Variants in EYS observed in about 807,000 individuals in gnomAD.
The protein encoded by EYS is protein eyes shut homolog.
In EYS, 250 loss-of-function variants were observed where a neutral mutation model predicts 282.1. The ratio of observed to expected loss-of-function variants is 0.89; its 90% CI spans 0.80 to 0.98. The LOEUF (loss-of-function observed/expected upper bound fraction) is 0.98, where lower values mean the gene tolerates loss of function less well. EYS is among the 50% of genes least tolerant of loss of function. The pLI, the probability that EYS is intolerant of heterozygous loss-of-function variation, is 0.00. For synonymous variants in EYS, 1,355 were observed against 1,282.9 expected, an observed-to-expected ratio of 1.06 and a Z score of -1.20; for missense variants, 4,016 against 3,709.0, an observed-to-expected ratio of 1.08 and a Z score of -2.15.
At position 64,822,501 on chromosome 6, in the gene EYS, G is replaced by A. The variant is rs189975899; in HGVS notation, c.3164+150C>T. The stretch of plus-strand genomic sequence containing the variant: ...TCAGTACATTGCATTAGCTAAAACT[G>A]GCAGCATCTGTCATCTTAAATGTAC... On this transcript the variant is annotated intron_variant, in intron 20 of 42. Coordinates refer to ENST00000503581, the MANE Select transcript of EYS (RefSeq NM_001142800.2). 3 of 633,570 alleles carry A rather than the reference G, an allele frequency of 4.7e-6. No individual in the cohort carries two copies. The East Asian group carries it at 8.8e-5, about 19-fold the overall frequency. 39.2% of individuals were successfully genotyped at this position (633,570 alleles called of 1,614,324 possible).
Position 64,741,818 on chromosome 6 carries a change from C to T in EYS, c.3443+71560G>A, listed in dbSNP as rs79945988. On this transcript the variant is annotated intron_variant, in intron 22 of 42. Coordinates refer to ENST00000503581, the MANE Select transcript of EYS (RefSeq NM_001142800.2). Reference sequence around the variant, plus strand: ...CTTCACAGAATTGAAGACAGAGAGTCAGGGTCTTGCTCTGGATTAGAGTTT... The same window carrying T: ...CTTCACAGAATTGAAGACAGAGAGTTAGGGTCTTGCTCTGGATTAGAGTTT... Among the ~76,000 whole-genome samples the T allele has an allele frequency of 8.3e-4, 127 of 152,286 alleles. 1 individual carries two copies. In the East Asian group the frequency reaches 0.02, roughly 24 times the overall value.
At chr6:64,792,698 G>A (rs1326278255) in intron 22 of EYS, among the ~76,000 whole-genome samples, 6 of 151,998 alleles carry the variant, frequency 3.9e-5, no homozygotes, top group Non-Finnish European at 7.4e-5. Flanking sequence ...GCATGTACCC[G>A]TGTCCAAAAG....
At chr6:65,581,346 G>A (rs1024941523) in intron 2 of EYS, among the ~76,000 whole-genome samples, 10 of 152,138 alleles carry the variant, frequency 6.6e-5, no homozygotes, top group East Asian at 3.9e-4. Context: ...TACAGCAAAC[G>A]TTTTAAAAGC....
chr6:63,797,916 C>T (rs771296934), intron 37 of EYS: 30 of 152,016 alleles, frequency 2.0e-4, no homozygotes, highest in Admixed American at 1.6e-3. Context: ...TACATATGGC[C>T]CACATTTTTA....
At chr6:64,889,868 A>G (rs1049624986) in intron 18 of EYS, among the ~76,000 whole-genome samples, 1 of 152,034 alleles carries the variant, frequency 6.6e-6, no homozygotes, top group African/African-American at 2.4e-5. Context: ...GATAACAGCA[A>G]CTGTTCAGGG....
chr6:64,247,584 T>C (rs1490006588), intron 30 of EYS, among the ~76,000 whole-genome samples: 4 of 152,122 alleles, frequency 2.6e-5, no homozygotes, highest in African/African-American at 9.7e-5. Context: ...CCATCAATAT[T>C]ATAAGGTGAC....
At chr6:65,133,715 C>T in intron 12 of EYS, among the ~76,000 whole-genome samples, 1 of 151,748 alleles carries the variant, frequency 6.6e-6, no homozygotes, top group African/African-American at 2.4e-5. Context: ...AACAGGCAAA[C>T]CTTTCAAGAT....
intron 12 of EYS, among the ~76,000 whole-genome samples, chr6:65,276,988 C>T (rs902984455): frequency 6.6e-6 from 1 of 152,142 alleles, no homozygotes; most frequent in African/African-American, 2.4e-5. Flanking sequence ...AATTTTACAT[C>T]ATGACAACAA....
intron 26 of EYS, among the ~76,000 whole-genome samples, chr6:64,484,249 C>T (rs1380132494): frequency 1.3e-5 from 2 of 151,566 alleles, no homozygotes; most frequent in Non-Finnish European, 3.0e-5. Context: ...ACCATGAATA[C>T]CTTCACCCAA....
chr6:65,140,359 A>G (rs975994918), intron 12 of EYS, among the ~76,000 whole-genome samples: 1 of 152,058 alleles, frequency 6.6e-6, no homozygotes, highest in African/African-American at 2.4e-5. Context: ...AAAAAAAATC[A>G]TGAACTGAAC....
At chr6:64,790,739 G>A (rs1444987316) in intron 22 of EYS, among the ~76,000 whole-genome samples, 1 of 151,728 alleles carries the variant, frequency 6.6e-6, no homozygotes, top group East Asian at 1.9e-4. Context: ...TCTATGTAAG[G>A]TTTAACTTAC....
Position 64,307,007 on chromosome 6 carries a change from A to G in EYS, c.6154T>C (p.Ser2052Pro). Reference sequence around the variant, plus strand: ...ATGTGATAGTTTTTCACTGCCTTGGATGGAATGAAAGATCTCCAGTTATTT... The same window carrying G: ...ATGTGATAGTTTTTCACTGCCTTGGGTGGAATGAAAGATCTCCAGTTATTT... Reference protein sequence around the residue: ...EINNWRSFIPSKAVKNYHINN... With the variant: ...EINNWRSFIPPKAVKNYHINN... The change falls in exon 30 of 43, where the codon TCC becomes CCC. Residue 2052 changes from serine (S) to proline (P), a missense_variant. Coordinates refer to ENST00000503581, the MANE Select transcript of EYS (RefSeq NM_001142800.2). 4.5e-6 allele frequency: 7 copies of G among 1,544,370 alleles called. No individual in the cohort carries two copies. Among genetic ancestry groups the G allele is most frequent in the Non-Finnish European group, 6.1e-6 (7 of 1,141,402 alleles).
At chr6:64,789,000 C>A (rs75757382) in intron 22 of EYS, among the ~76,000 whole-genome samples, 2 of 152,106 alleles carry the variant, frequency 1.3e-5, no homozygotes, top group East Asian at 3.9e-4. Context: ...ATTCAGCACC[C>A]CCATCCAGTT....
chr6:65,029,997 A>G (rs943072419), intron 13 of EYS, among the ~76,000 whole-genome samples: 2 of 152,094 alleles, frequency 1.3e-5, no homozygotes, highest in Non-Finnish European at 2.9e-5. Context: ...CACCATGGAC[A>G]TTTGAGCTGA....
chr6:64,822,702 T>C lies in EYS; in HGVS notation c.3113A>G (p.His1038Arg). The C allele has an allele frequency of 6.5e-7, 1 of 1,548,808 alleles. No homozygotes were observed. Among genetic ancestry groups the C allele is most frequent in the Non-Finnish European group, 8.7e-7 (1 of 1,145,768 alleles). ...CDCKSGFFGT[H>R]CETNANDCLS... Reference sequence around the variant, plus strand: ...GCAATCATTGGCGTTTGTTTCACAGTGTGTTCCAAAAAACCCACTCTTGCA... The same window carrying C: ...GCAATCATTGGCGTTTGTTTCACAGCGTGTTCCAAAAAACCCACTCTTGCA... Residue 1038 changes from histidine (H) to arginine (R), a missense_variant, in exon 20 of 43, where the codon CAC (histidine) becomes CGC (arginine). Physicochemically the swap from His to Arg is conservative, Grantham distance 29. Coordinates refer to ENST00000503581, the MANE Select transcript of EYS (RefSeq NM_001142800.2).
At chr6:64,778,930 CAAA>C (rs1773770166) in intron 22 of EYS, among the ~76,000 whole-genome samples, 1 of 152,068 alleles carries the variant, frequency 6.6e-6, no homozygotes, top group South Asian at 2.1e-4. Flanking sequence ...CAGAGAATTG[CAAA>C]TTAAAACATC....
At chr6:65,077,773 T>C (rs1022877170) in intron 12 of EYS, among the ~76,000 whole-genome samples, 1 of 152,118 alleles carries the variant, frequency 6.6e-6, no homozygotes, top group Admixed American at 6.6e-5. Context: ...ATTAATTTCA[T>C]TTATTTGATC....
chr6:63,916,958 C>T lies in EYS; in HGVS notation c.7056-52600G>A, dbSNP rs945663956. On this transcript the variant is annotated intron_variant, in intron 35 of 42. Transcript: ENST00000503581. ...CTTGTCTCATGTTAGTGAGAGGACACGGAATGTTTCAGAAGGGACAATTTA... is the reference window on the plus strand; with the variant it reads ...CTTGTCTCATGTTAGTGAGAGGACATGGAATGTTTCAGAAGGGACAATTTA... 3.9e-5 allele frequency among the ~76,000 whole-genome samples: 6 copies of T among 152,074 alleles called. No homozygotes were observed. The East Asian group carries it at 9.6e-4, about 24-fold the overall frequency.
intron 33 of EYS, among the ~76,000 whole-genome samples, chr6:64,065,309 A>G (rs1379327754): frequency 3.3e-5 from 5 of 152,186 alleles, no homozygotes; most frequent in African/African-American, 1.2e-4. Context: ...TCTAATTGTC[A>G]TTTTAAAGAC....
Sources: allele counts gnomAD v4.1 joint callset (sites outside exome capture counted in the v4.1 genomes callset), GRCh38; gene constraint gnomAD v4.1.1; transcripts MANE v1.5; gene names NCBI Gene and HGNC (gene_info 2026-07-23, HGNC 2026-07-21).